Variants in PTMS observed in about 807,000 individuals in gnomAD.
PTMS encodes parathymosin.
A neutral mutation model predicts 18.4 loss-of-function variants in PTMS; 5 were observed. The observed-to-expected ratio is 0.27, with a 90% CI of 0.14 to 0.57. The LOEUF (loss-of-function observed/expected upper bound fraction) is 0.57, where lower values mean the gene tolerates loss of function less well. Ranked by LOEUF, PTMS falls within the 20% of genes least tolerant of loss-of-function variation. The pLI, the probability that PTMS is intolerant of heterozygous loss-of-function variation, is 0.92. For missense variants in PTMS, 93 were observed against 124.6 expected (o/e 0.75, Z 1.21); for synonymous variants, 53 against 47.7 (o/e 1.11, Z -0.46).
At position 6,770,734 on chromosome 12, in the gene PTMS, C is replaced by G. The variant is rs1941828159; in HGVS notation, c.*292C>G. 7.8e-6 allele frequency: 4 copies of G among 510,168 alleles called. No homozygotes were observed. The highest frequency in any genetic ancestry group is 1.1e-5 in the Non-Finnish European group (3 of 279,612). 31.6% of individuals were successfully genotyped at this position (510,168 alleles called of 1,614,324 possible). On this transcript the variant is annotated 3_prime_UTR_variant, in exon 5 of 5. Transcript: ENST00000309083. This position sits in a 1 kb window ranked among gnomAD's most constrained non-coding sequence, Gnocchi z 7.3. ...TTCTCCCTCCCCTACCAGCCTCATT[C>G]TTCCTCCGGTAGCCTCTCCCACCTA...
At chr12:6,769,773 G>A (rs2137800771) in intron 2 of PTMS, 99 bp downstream of exon 2, 1 of 1,598,750 alleles carries the variant, frequency 6.3e-7, no homozygotes, top group Non-Finnish European at 8.5e-7. Context: ...GCTGGGTCCT[G>A]CCGTTCCCCT....
At position 6,770,028 on chromosome 12, in the gene PTMS, G is replaced by T; in HGVS notation, c.196+29G>T. 6.4e-7 allele frequency: 1 copy of T among 1,565,364 alleles called. No homozygotes were observed. Among genetic ancestry groups the T allele is most frequent in the Admixed American group, 1.9e-5 (1 of 52,142 alleles). On this transcript the variant is annotated intron_variant, in intron 3 of 4. Coordinates refer to ENST00000309083, the MANE Select transcript of PTMS (RefSeq NM_002824.6). This position sits in a 1 kb window ranked among gnomAD's most constrained non-coding sequence, Gnocchi z 7.3. The stretch of plus-strand genomic sequence containing the variant: ...GGGAGGGGCAGGGGAGGCTGGGCTG[G>T]CAAAGTCTGGGCTCAAAGGAGAGCA...
Position 6,770,516 on chromosome 12 carries a change from C to T in PTMS, c.*74C>T. The T allele has an allele frequency of 6.6e-7, 1 of 1,519,034 alleles. No homozygotes were observed. Among genetic ancestry groups the T allele is most frequent in the Non-Finnish European group, 9.1e-7 (1 of 1,094,432 alleles). The allele number at this position is 1,519,034 out of a possible 1,614,324, so 94.1% of individuals were successfully genotyped here. On this transcript the variant is annotated 3_prime_UTR_variant, in exon 5 of 5. Coordinates refer to ENST00000309083, the MANE Select transcript of PTMS (RefSeq NM_002824.6). This position sits in a 1 kb window ranked among gnomAD's most constrained non-coding sequence, Gnocchi z 7.3. ...GGGGGTGGGGGCAGCCAAGTCCAGC[C>T]ACTCTTCACCTGGCTCCCTGCTCTG...
chr12:6,766,985 G>C (rs1194537761), intron 1 of PTMS, among the ~76,000 whole-genome samples: 2 of 151,616 alleles, frequency 1.3e-5, no homozygotes, highest in Non-Finnish European at 2.9e-5. Context: ...TCGCCGCTCC[G>C]GTCGCGCCGT....
At chr12:6,767,929 G>A (rs970307120) in intron 1 of PTMS, among the ~76,000 whole-genome samples, 2 of 152,254 alleles carry the variant, frequency 1.3e-5, no homozygotes, top group Non-Finnish European at 2.9e-5. Flanking sequence ...TGTCTCAAGA[G>A]TGTGGACCAG....
At chr12:6,767,602 G>C (rs1285167560) in intron 1 of PTMS, 1 of 139,928 alleles carries the variant, frequency 7.1e-6, no homozygotes, top group Non-Finnish European at 1.6e-5. Context: ...GTATGGCGGG[G>C]GGGGGGGGCG....
rs1323610057 is a variant in PTMS at position 6,766,899 on chromosome 12, C to G, written c.45+149C>G. ...TGCGCCCTCCCACCGCTCCCCGGCC[C>G]GGAGCTCCTTTCCCGGCTCCGCGCG... On this transcript the variant is annotated intron_variant, in intron 1 of 4. Transcript: ENST00000309083. 2.2e-5 allele frequency: 9 copies of G among 417,730 alleles called. No individual in the cohort carries two copies. The South Asian group carries it at 9.0e-4, about 42-fold the overall frequency. 25.9% of individuals were successfully genotyped at this position (417,730 alleles called of 1,614,324 possible). A position where few individuals can be genotyped will look rare whatever the true frequency, so the allele number is the denominator to read the frequency against.
At chr12:6,769,467 T>C in intron 1 of PTMS, 136 bp from the exon 2 acceptor site, 1 of 942,378 alleles carries the variant, frequency 1.1e-6, no homozygotes, top group Non-Finnish European at 1.7e-6. Flanking sequence ...AGGGCCCCTA[T>C]TCTGTCTCTA....
chr12:6,767,602 G>T (rs1285167560), intron 1 of PTMS: 3 of 139,928 alleles, frequency 2.1e-5, no homozygotes, highest in African/African-American at 7.9e-5. Context: ...GTATGGCGGG[G>T]GGGGGGGGCG....
In PTMS at chr12:6,770,362, AC is replaced by A; in HGVS notation, c.259-29del. The A allele has an allele frequency of 6.2e-7, 1 of 1,612,948 alleles. No homozygotes were observed. Among genetic ancestry groups the A allele is most frequent in the South Asian group, 1.1e-5 (1 of 91,040 alleles). On this transcript the variant is annotated intron_variant, in intron 4 of 4. Transcript: ENST00000309083. This position sits in a 1 kb window ranked among gnomAD's most constrained non-coding sequence, Gnocchi z 7.3. ...AGGGGGAGGTCTCCCCTCCCATTTTACAGCTCCCCCATTCTCTCCCTCTCCA... is the reference window on the plus strand; with the variant it reads ...AGGGGGAGGTCTCCCCTCCCATTTTAAGCTCCCCCATTCTCTCCCTCTCCA...
chr12:6,770,052 C>T lies in PTMS; in HGVS notation c.196+53C>T, dbSNP rs1201963998. 1 of 1,582,004 alleles carries T rather than the reference C, an allele frequency of 6.3e-7. No homozygotes were observed. Among genetic ancestry groups the T allele is most frequent in the Non-Finnish European group, 8.6e-7 (1 of 1,164,612 alleles). On this transcript the variant is annotated intron_variant, in intron 3 of 4. Coordinates refer to ENST00000309083, the MANE Select transcript of PTMS (RefSeq NM_002824.6). The surrounding 1 kb of genome is among the most constrained non-coding windows in gnomAD (Gnocchi z 7.3). ...GGCAAAGTCTGGGCTCAAAGGAGAG[C>T]AGAGTCAGGGTGGGTTTGAAGACCT...
rs12581456 is a variant in PTMS at position 6,769,269 on chromosome 12, A to C, written c.46-334A>C. ...GGGGCGGGGCACTGAGGCTGCAAGC[A>C]GATGGAGAGGATTTGCTTTGCTGAG... On this transcript the variant is annotated intron_variant, in intron 1 of 4. Coordinates refer to ENST00000309083, the MANE Select transcript of PTMS (RefSeq NM_002824.6). 2.4e-3 allele frequency: 796 copies of C among 329,358 alleles called. 27 individuals are homozygous for C. The East Asian group carries it at 0.059, about 25-fold the overall frequency. The allele number at this position is 329,358 out of a possible 1,614,324, so 20.4% of individuals were successfully genotyped here.
intron 1 of PTMS, 127 bp downstream of exon 1, chr12:6,766,877 G>A (rs1240851057): frequency 7.7e-6 from 4 of 520,852 alleles, no homozygotes; most frequent in African/African-American, 2.1e-5. Context: ...ACCCCACTGC[G>A]CCCTCCCACC....
rs1179095243 is a variant in PTMS at position 6,766,694 on chromosome 12, G to A, written c.-12G>A. 8.9e-7 allele frequency: 1 copy of A among 1,129,558 alleles called. No homozygotes were observed. Among genetic ancestry groups the A allele is most frequent in the African/African-American group, 1.7e-5 (1 of 59,692 alleles). The allele number at this position is 1,129,558 out of a possible 1,614,324, so 70.0% of individuals were successfully genotyped here. ...CCGGCTCCCCGCCAGCCCCGGCCCCGGCCCCGGCACCATGTCGGAGAAAAG... is the reference window on the plus strand; with the variant it reads ...CCGGCTCCCCGCCAGCCCCGGCCCCAGCCCCGGCACCATGTCGGAGAAAAG... On this transcript the variant is annotated 5_prime_UTR_variant, in exon 1 of 5. Coordinates refer to ENST00000309083, the MANE Select transcript of PTMS (RefSeq NM_002824.6).
rs1941826169 is a variant in PTMS, at chr12:6,770,589, A to C, written c.*147A>C. 1 of 930,482 alleles carries C rather than the reference A, an allele frequency of 1.1e-6. No homozygotes were observed. The highest frequency in any genetic ancestry group is 1.7e-6 in the Non-Finnish European group (1 of 602,160). 57.6% of individuals were successfully genotyped at this position (930,482 alleles called of 1,614,324 possible). On this transcript the variant is annotated 3_prime_UTR_variant, in exon 5 of 5. Transcript: ENST00000309083. The surrounding 1 kb of genome is among the most constrained non-coding windows in gnomAD (Gnocchi z 7.3). Reference sequence around the variant, plus strand: ...CCTCTTCTTTCTCCCCAGCCTTCTCATTTCCGCCTCTCCAGACACTGCGCC... The same window carrying C: ...CCTCTTCTTTCTCCCCAGCCTTCTCCTTTCCGCCTCTCCAGACACTGCGCC...
intron 1 of PTMS, among the ~76,000 whole-genome samples, chr12:6,768,514 C>T (rs987166041): frequency 1.3e-5 from 2 of 151,990 alleles, no homozygotes; most frequent in Non-Finnish European, 2.9e-5. Context: ...CAGAAAGGAC[C>T]CCCCCGCCCA....
At chr12:6,768,867 C>G (rs1772104610) in intron 1 of PTMS, among the ~76,000 whole-genome samples, 1 of 152,138 alleles carries the variant, frequency 6.6e-6, no homozygotes, top group South Asian at 2.1e-4. Flanking sequence ...CCTTGTTTCC[C>G]ACGCCTGCTA....
In PTMS at chr12:6,769,963, G is replaced by A. The variant is rs1266840843; in HGVS notation, c.160G>A (p.Glu54Lys). ...GAEEEEEETA[E>K]DGEEEDEGEE... ...TGAGGAGGAAGAAGAAGAAACTGCC[G>A]AGGATGGAGAGGAGGAAGATGAAGG... The change falls in exon 3 of 5, where the codon GAG becomes AAG. Residue 54 changes from glutamate to lysine, a missense_variant. Transcript: ENST00000309083. The A allele has an allele frequency of 7.1e-6, 11 of 1,553,714 alleles. 1 individual carries two copies. The highest frequency in any genetic ancestry group is 1.7e-4 in the Middle Eastern group (1 of 6,014).
chr12:6,769,010 G>A (rs1261839592), intron 1 of PTMS: 2 of 159,278 alleles, frequency 1.3e-5, no homozygotes, highest in African/African-American at 4.8e-5. Context: ...GGGCGGGGAG[G>A]GCAGAAAGTG....
Sources: gnomAD v4.1 joint callset for allele counts (sites outside exome capture counted in the v4.1 genomes callset) on GRCh38, gnomAD v4.1.1 for gene constraint, Gnocchi (gnomAD v3.1) non-coding constraint, MANE v1.5 for transcripts, NCBI Gene and HGNC (gene_info 2026-07-23, HGNC 2026-07-21) for gene names.